Variants in RORA observed in about 807,000 individuals in gnomAD.
RORA encodes nuclear receptor ROR-alpha.
In RORA, 7 loss-of-function variants were observed where a neutral mutation model predicts 69.5. The ratio of observed to expected loss-of-function variants is 0.10; its 90% CI spans 0.06 to 0.19. RORA has a LOEUF of 0.19. Among genes scored for constraint, RORA ranks in the 10% least tolerant of loss-of-function variants. The pLI, the probability that RORA is intolerant of heterozygous loss-of-function variation, is 1.00. For missense variants in RORA, 457 were observed against 663.0 expected, an observed-to-expected ratio of 0.69 and a Z score of 3.41; for synonymous variants, 261 against 240.8, an observed-to-expected ratio of 1.08 and a Z score of -0.78.
In RORA at chr15:60,511,748, A is replaced by C. The variant is rs956271261; in HGVS notation, c.425-127T>G. 2.1e-5 allele frequency: 21 copies of C among 1,008,168 alleles called. No individual in the cohort carries two copies. Among genetic ancestry groups the C allele is most frequent in the Non-Finnish European group, 3.0e-5 (21 of 705,496 alleles). The allele number at this position is 1,008,168 out of a possible 1,614,324, so 62.5% of individuals were successfully genotyped here. On this transcript the variant is annotated intron_variant, in intron 4 of 10. Coordinates refer to ENST00000335670, the MANE Select transcript of RORA (RefSeq NM_134261.3). The surrounding 1 kb of genome is among the most constrained non-coding windows in gnomAD (Gnocchi z 6.4). The stretch of plus-strand genomic sequence containing the variant: ...TCCAAAACTGCATGACCACAAAATA[A>C]GGACATATTCAGAGGTGAAAACAGT...
At chr15:61,210,926 G>A (rs1212468641) in intron 1 of RORA, among the ~76,000 whole-genome samples, 1 of 152,258 alleles carries the variant, frequency 6.6e-6, no homozygotes, top group Non-Finnish European at 1.5e-5. Context: ...ACCCTCAGCT[G>A]TCGCTGGAGC....
At chr15:61,029,387 A>T (rs2140436959) in intron 1 of RORA, among the ~76,000 whole-genome samples, 1 of 152,306 alleles carries the variant, frequency 6.6e-6, no homozygotes. Context: ...GGGCCCTGCC[A>T]GCCATGTTGA....
At chr15:61,036,344 T>A (rs1385736153) in intron 1 of RORA, among the ~76,000 whole-genome samples, 4 of 152,168 alleles carry the variant, frequency 2.6e-5, no homozygotes, top group Non-Finnish European at 5.9e-5. Flanking sequence ...GCTATTAGAT[T>A]GCTTCACATC....
chr15:60,625,627 A>G (rs561548259), intron 2 of RORA, among the ~76,000 whole-genome samples: 1 of 152,380 alleles, frequency 6.6e-6, no homozygotes, highest in South Asian at 2.1e-4. Flanking sequence ...TGTTAAAAAG[A>G]ACAAGGAAAT....
At chr15:60,998,352 A>G (rs951753886) in intron 1 of RORA, among the ~76,000 whole-genome samples, 5 of 151,614 alleles carry the variant, frequency 3.3e-5, no homozygotes, top group Admixed American at 1.3e-4. Context: ...AAAGCATTAT[A>G]GAGATGGTGT....
At chr15:61,170,880 C>CA (rs1386114804) in intron 1 of RORA, among the ~76,000 whole-genome samples, 9 of 152,196 alleles carry the variant, frequency 5.9e-5, no homozygotes, top group African/African-American at 2.2e-4. Context: ...TTCATATCCT[C>CA]ACTCTTCGTT....
chr15:60,791,075 T>G (rs553650754), intron 1 of RORA, among the ~76,000 whole-genome samples: 17 of 152,090 alleles, frequency 1.1e-4, no homozygotes, highest in Non-Finnish European at 2.2e-4. Context: ...GATGCTTTGG[T>G]ATCAAAAAGT....
chr15:60,626,377 T>TTTG (rs944290162), intron 2 of RORA, among the ~76,000 whole-genome samples: 7 of 152,138 alleles, frequency 4.6e-5, no homozygotes, highest in Admixed American at 4.6e-4. Context: ...AAATTCGGGT[T>TTTG]TTGTTGTTGT....
At chr15:60,902,577 A>C (rs1333662803) in intron 1 of RORA, among the ~76,000 whole-genome samples, 1 of 152,226 alleles carries the variant, frequency 6.6e-6, no homozygotes, top group Non-Finnish European at 1.5e-5. Flanking sequence ...GTGTTGTTTT[A>C]GAGTCATGTC....
chr15:60,552,237 G>A (rs903080752), intron 2 of RORA, among the ~76,000 whole-genome samples: 9 of 152,150 alleles, frequency 5.9e-5, no homozygotes, highest in African/African-American at 1.9e-4. Context: ...CTCAGTCTCC[G>A]TCTGAGCCAC....
intron 1 of RORA, among the ~76,000 whole-genome samples, chr15:60,684,058 G>A (rs947937596): frequency 6.6e-6 from 1 of 151,958 alleles, no homozygotes; most frequent in Non-Finnish European, 1.5e-5. Context: ...TTGGTTTTTA[G>A]GAAATTGTCT....
chr15:60,541,306 T>C (rs928775640), intron 2 of RORA, among the ~76,000 whole-genome samples: 2 of 152,194 alleles, frequency 1.3e-5, no homozygotes, highest in African/African-American at 4.8e-5. Context: ...ATTTCTGAAC[T>C]GTGGCTCAAT....
At chr15:60,631,371 GA>G (rs1364205943) in intron 2 of RORA, among the ~76,000 whole-genome samples, 2 of 152,056 alleles carry the variant, frequency 1.3e-5, no homozygotes, top group African/African-American at 4.8e-5. Flanking sequence ...TCAAGGAAAA[GA>G]AAAAACACCA....
At chr15:61,098,650 C>G (rs940238609) in intron 1 of RORA, among the ~76,000 whole-genome samples, 14 of 152,184 alleles carry the variant, frequency 9.2e-5, no homozygotes, top group African/African-American at 2.9e-4. Context: ...TACTCCTATT[C>G]TTAACATCAA....
rs186518216 is a variant in RORA at position 61,150,740 on chromosome 15, T to C, written c.166+78313A>G. Among the ~76,000 whole-genome samples the C allele has an allele frequency of 3.3e-5, 5 of 152,308 alleles. No homozygotes were observed. The East Asian group carries it at 9.6e-4, about 29-fold the overall frequency. ...GATTAATACTCCTCATCAAAACATA[T>C]GGAAAGCAGTTTGACCAGGGGAAAC... On this transcript the variant is annotated intron_variant, in intron 1 of 10. Transcript: ENST00000335670.
chr15:61,190,374 T>C lies in RORA; in HGVS notation c.166+38679A>G, dbSNP rs370175500. 3.9e-5 allele frequency among the ~76,000 whole-genome samples: 6 copies of C among 152,196 alleles called. No individual in the cohort carries two copies. In the East Asian group the frequency reaches 9.6e-4, roughly 24 times the overall value. ...GCATGATGTTGCATAGAAACTAAAG[T>C]GATATATGTCCTGCATAAAGTGAGG... is the stretch of plus-strand genomic sequence containing the variant. On this transcript the variant is annotated intron_variant, in intron 1 of 10. Coordinates refer to ENST00000335670, the MANE Select transcript of RORA (RefSeq NM_134261.3).
chr15:61,209,292 C>G (rs1229025566), intron 1 of RORA, among the ~76,000 whole-genome samples: 1 of 151,496 alleles, frequency 6.6e-6, no homozygotes, highest in African/African-American at 2.4e-5. Flanking sequence ...AATTCACACA[C>G]TCTAATTTAA....
At chr15:60,916,518 C>T (rs1037652799) in intron 1 of RORA, among the ~76,000 whole-genome samples, 5 of 152,150 alleles carry the variant, frequency 3.3e-5, no homozygotes, top group African/African-American at 4.8e-5. Flanking sequence ...CCCTTTGCCC[C>T]GAAATATGCC....
chr15:61,214,983 G>A (rs1175019433), intron 1 of RORA, among the ~76,000 whole-genome samples: 1 of 146,656 alleles, frequency 6.8e-6, no homozygotes, highest in African/African-American at 2.5e-5. Flanking sequence ...TCCTGCCTCA[G>A]CCTCCCGAGT....
Sources: allele counts gnomAD v4.1 joint callset (sites outside exome capture counted in the v4.1 genomes callset), GRCh38; gene constraint gnomAD v4.1.1; non-coding constraint Gnocchi (gnomAD v3.1); transcripts MANE v1.5; gene names NCBI Gene and HGNC (gene_info 2026-07-23, HGNC 2026-07-21).